MYO5C: variants seen among roughly 807,000 people sequenced by gnomAD.
MYO5C encodes the protein myosin VC.
Under a neutral mutation model 235.7 loss-of-function variants are expected in MYO5C, and 194 were observed. That is an observed-to-expected ratio of 0.82 (90% CI 0.73 to 0.93). The LOEUF is 0.93. Among genes scored for constraint, MYO5C ranks in the 40% least tolerant of loss-of-function variants. The probability of loss-of-function intolerance (pLI) is 0.00; values close to 1 mark genes in which losing one functional copy is unlikely to be tolerated. For synonymous variants in MYO5C, 707 were observed against 754.8 expected, an observed-to-expected ratio of 0.94 and a Z score of 1.04; for missense variants, 2,038 against 2,127.2, an observed-to-expected ratio of 0.96 and a Z score of 0.82.
At chr15:52,277,775 C>G in intron 4 of MYO5C, 3 of 451,872 alleles carry the variant, frequency 6.6e-6, no homozygotes, top group Non-Finnish European at 1.3e-5. Context: ...TCTGATGACT[C>G]TGAAGAAGCT....
intron 38 of MYO5C, among the ~76,000 whole-genome samples, chr15:52,201,477 G>T (rs2035186009): frequency 6.6e-6 from 1 of 152,104 alleles, no homozygotes; most frequent in African/African-American, 2.4e-5. Context: ...TCAACTGAAA[G>T]AAAACTAATA....
At position 52,205,067 on chromosome 15, in the gene MYO5C, T is replaced by G. The variant is rs768466852; in HGVS notation, c.4618A>C (p.Ile1540Leu). The change falls in exon 38 of 41, where the codon ATA becomes CTA. Residue 1540 changes from isoleucine (I) to leucine (L), a missense_variant. Ile to Leu is a conservative substitution (Grantham distance 5, BLOSUM62 2). Coordinates refer to ENST00000261839, the MANE Select transcript of MYO5C (RefSeq NM_018728.4). ...PTGFRKRSSS[I>L]DDTDGYTMTS... is the part of the protein sequence containing the mutation. ...ATGGTGTAGCCGTCCGTGTCGTCTA[T>G]GCTAGAGGAGCGCTTCCGGAAGCCT... 6.2e-7 allele frequency: 1 copy of G among 1,614,102 alleles called. No individual in the cohort carries two copies. Among genetic ancestry groups the G allele is most frequent in the African/African-American group, 1.3e-5 (1 of 74,948 alleles).
intron 32 of MYO5C, among the ~76,000 whole-genome samples, chr15:52,215,423 T>A (rs1008835527): frequency 6.6e-6 from 1 of 152,190 alleles, no homozygotes; most frequent in African/African-American, 2.4e-5. Context: ...TTGACACATA[T>A]AGAATTCAGG....
At chr15:52,274,210 C>G (rs2036988619) in intron 5 of MYO5C, among the ~76,000 whole-genome samples, 1 of 152,122 alleles carries the variant, frequency 6.6e-6, no homozygotes, top group South Asian at 2.1e-4. Context: ...AGTGTGCAGT[C>G]TAGTAGAGGA....
rs1206115612 is a variant in MYO5C at position 52,271,789 on chromosome 15, T to C, written c.806A>G (p.Gln269Arg). The C allele has an allele frequency of 5.7e-6, 9 of 1,573,770 alleles. No individual in the cohort carries two copies. The highest frequency in any genetic ancestry group is 1.7e-5 in the Admixed American group (1 of 58,578). Reference protein sequence around the residue: ...IFYQLCASAQQSEFKHLKLGS... With the variant: ...IFYQLCASAQRSEFKHLKLGS... The stretch of plus-strand genomic sequence containing the variant: ...CAATTTAAGATGTTTAAATTCCGAC[T>C]GCTGTGCAGATGCACAAAGCTGATA... Residue 269 changes from glutamine to arginine, a missense_variant, in exon 7 of 41, where the codon CAG (glutamine) becomes CGG (arginine). By Grantham distance (43) the Gln-to-Arg change is conservative (BLOSUM62 1). Coordinates refer to ENST00000261839, the MANE Select transcript of MYO5C (RefSeq NM_018728.4).
chr15:52,204,971 C>T lies in MYO5C; in HGVS notation c.4714G>A (p.Val1572Met), dbSNP rs772057321. 1 of 1,614,254 alleles carries T rather than the reference C, an allele frequency of 6.2e-7. No individual in the cohort carries two copies. The highest frequency in any genetic ancestry group is 1.6e-4 in the Middle Eastern group (1 of 6,062). Reference sequence around the variant, plus strand: ...AAGAGCTGCTTCACCGCCTGCCTCACAAGCTCGGGGTCCAGGCCGTTCTGG... The same window carrying T: ...AAGAGCTGCTTCACCGCCTGCCTCATAAGCTCGGGGTCCAGGCCGTTCTGG... ...MCQNGLDPEL[V>M]RQAVKQLFFL... Residue 1572 changes from valine to methionine, a missense_variant, in exon 38 of 41, where the codon GTG becomes ATG. Coordinates refer to ENST00000261839, the MANE Select transcript of MYO5C (RefSeq NM_018728.4).
chr15:52,204,904 C>T lies in MYO5C; in HGVS notation c.4781G>A (p.Arg1594His). 1.9e-6 allele frequency: 3 copies of T among 1,614,192 alleles called. No individual in the cohort carries two copies. Among genetic ancestry groups the T allele is most frequent in the Non-Finnish European group, 2.5e-6 (3 of 1,180,038 alleles). Residue 1594 changes from arginine to histidine, a missense_variant, in exon 38 of 41, where the codon CGC becomes CAC. Coordinates refer to ENST00000261839, the MANE Select transcript of MYO5C (RefSeq NM_018728.4). The stretch of plus-strand genomic sequence containing the variant: ...TTTTCTGCAGGAGCACATGTCCTTG[C>T]GCAGGAAGAGGCTGTTCAGCGTGAC... ...GAVTLNSLFL[R>H]KDMCSCRKGM...
Position 52,205,847 on chromosome 15 carries a change from G to T in MYO5C, c.4506C>A (p.Ile1502=). The change falls in exon 37 of 41, where the codon ATC becomes ATA. Residue 1502 remains isoleucine, a synonymous_variant. Transcript: ENST00000261839. ...VAIRIYHQFI[I]IMEKNIQPII... ...TCGGTTGGATATTCTTTTCCATTAT[G>T]ATAATAAATTGATGATATATTCGTA... 1 of 1,576,658 alleles carries T rather than the reference G, an allele frequency of 6.3e-7. No homozygotes were observed. The highest frequency in any genetic ancestry group is 1.7e-4 in the Middle Eastern group (1 of 5,944).
At position 52,286,964 on chromosome 15, in the gene MYO5C, A is replaced by G. The variant is rs567566339; in HGVS notation, c.28-4072T>C. On this transcript the variant is annotated intron_variant, in intron 1 of 40. Coordinates refer to ENST00000261839, the MANE Select transcript of MYO5C (RefSeq NM_018728.4). ...AAAAAAAAAAAGAAAAAAGAAAAAAAAAAAAGAAAAACTAACAAACAAACA... is the reference window on the plus strand; with the variant it reads ...AAAAAAAAAAAGAAAAAAGAAAAAAGAAAAAGAAAAACTAACAAACAAACA... 2.7e-4 allele frequency among the ~76,000 whole-genome samples: 35 copies of G among 128,648 alleles called. 1 individual carries two copies. The highest frequency in any genetic ancestry group is 7.6e-4 in the Admixed American group (9 of 11,888). The allele number at this position is 128,648 out of a possible 152,430, so 84.4% of individuals were successfully genotyped here. A position where few individuals can be genotyped will look rare whatever the true frequency, so the allele number is the denominator to read the frequency against.
intron 1 of MYO5C, among the ~76,000 whole-genome samples, chr15:52,295,382 C>T (rs1025164114): frequency 1.3e-5 from 2 of 152,178 alleles, no homozygotes; most frequent in Non-Finnish European, 2.9e-5. Flanking sequence ...GGGGGCTTAC[C>T]CGCGGGCAGG....
chr15:52,242,772 C>A (rs1267015217), intron 19 of MYO5C: 1 of 152,160 alleles, frequency 6.6e-6, no homozygotes, highest in East Asian at 1.9e-4. Context: ...GGGAAAAAAA[C>A]AGTTATTCTG....
Position 52,208,533 on chromosome 15 carries a change from AAGCAGGTGGGCGCCCCCT to A in MYO5C, c.4386+3_4386+20del, listed in dbSNP as rs1186606528. ...AGACTGGCTGTCAGCACAAAACAACAAGCAGGTGGGCGCCCCCTACCTCTTCTCCGCTGTACTGCTTCA... is the reference window on the plus strand; with the variant it reads ...AGACTGGCTGTCAGCACAAAACAACAACCTCTTCTCCGCTGTACTGCTTCA... On this transcript the variant is annotated splice_donor_5th_base_variant and intron_variant, in intron 36 of 40. Coordinates refer to ENST00000261839, the MANE Select transcript of MYO5C (RefSeq NM_018728.4). The A allele has an allele frequency of 1.2e-5, 20 of 1,611,042 alleles. No individual in the cohort carries two copies. Among genetic ancestry groups the A allele is most frequent in the African/African-American group, 2.7e-5 (2 of 74,854 alleles).
chr15:52,222,049 G>A (rs1405606518), intron 29 of MYO5C, among the ~76,000 whole-genome samples: 1 of 152,202 alleles, frequency 6.6e-6, no homozygotes, highest in African/African-American at 2.4e-5. Flanking sequence ...AATAGGCTTT[G>A]TGTTAGATGA....
intron 18 of MYO5C, 69 bp downstream of exon 18, chr15:52,245,285 T>C (rs2036312357): frequency 9.5e-7 from 1 of 1,047,202 alleles, no homozygotes; most frequent in East Asian, 2.4e-5. Flanking sequence ...AAGACAAAGA[T>C]GAAACAGCAT....
intron 20 of MYO5C, among the ~76,000 whole-genome samples, chr15:52,241,425 A>G (rs890210747): frequency 1.3e-5 from 2 of 151,848 alleles, no homozygotes; most frequent in East Asian, 1.9e-4. Context: ...ACACCCGGCT[A>G]ATTTTTTGTA....
Position 52,211,712 on chromosome 15 carries a change from G to A in MYO5C, c.4296+18C>T, listed in dbSNP as rs539872251. The A allele has an allele frequency of 1.4e-5, 23 of 1,611,472 alleles. 1 individual carries two copies. In the South Asian group the frequency reaches 2.5e-4, roughly 18 times the overall value. The stretch of plus-strand genomic sequence containing the variant: ...CATAGATGTGATACCAGGGGCCAAT[G>A]TCAAAGGCATTTCCTACCTTAACCA... On this transcript the variant is annotated intron_variant, in intron 35 of 40. Transcript: ENST00000261839.
chr15:52,272,066 G>A (rs1431824758), intron 6 of MYO5C, among the ~76,000 whole-genome samples: 1 of 152,206 alleles, frequency 6.6e-6, no homozygotes, highest in Non-Finnish European at 1.5e-5. Flanking sequence ...GTTATTAAAT[G>A]AAAACGTCCT....
chr15:52,223,605 T>C lies in MYO5C; in HGVS notation c.3566A>G (p.Glu1189Gly), dbSNP rs778972511. 1.9e-6 allele frequency: 3 copies of C among 1,614,212 alleles called. No homozygotes were observed. The South Asian group carries it at 3.3e-5, about 18-fold the overall frequency. ...GATGCTTTCATTGATGTCATTTTCT[T>C]CTCTGAATAACTTCTGCAGGTGGTT... ...EINHLQKLFR[E>G]ENDINESIRH... The change falls in exon 29 of 41, where the codon GAA becomes GGA. Residue 1189 changes from glutamate to glycine, a missense_variant. By Grantham distance (98) the Glu-to-Gly change is moderately conservative. Coordinates refer to ENST00000261839, the MANE Select transcript of MYO5C (RefSeq NM_018728.4).
intron 1 of MYO5C, among the ~76,000 whole-genome samples, chr15:52,291,904 A>G (rs1006650799): frequency 6.6e-5 from 10 of 151,170 alleles, no homozygotes; most frequent in African/African-American, 2.4e-4. Flanking sequence ...ACGCCTGGCT[A>G]ATTTTTTTGT....
Sources: allele counts gnomAD v4.1 joint callset (sites outside exome capture counted in the v4.1 genomes callset), GRCh38; gene constraint gnomAD v4.1.1; transcripts MANE v1.5; gene names NCBI Gene and HGNC (gene_info 2026-07-23, HGNC 2026-07-21).